CYP2J2: variants seen among roughly 807,000 people sequenced by gnomAD.
The protein encoded by CYP2J2 is cytochrome P450 2J2.
A neutral mutation model predicts 48.8 loss-of-function variants in CYP2J2; 41 were observed. That is an observed-to-expected ratio of 0.84 (90% CI 0.66 to 1.09). The LOEUF (loss-of-function observed/expected upper bound fraction) is 1.09. CYP2J2 is among the 50% of genes least tolerant of loss of function. CYP2J2 has a pLI of 0.00. For synonymous variants in CYP2J2, 221 were observed against 227.1 expected (o/e 0.97, Z 0.24); for missense variants, 644 against 617.3 (o/e 1.04, Z -0.46).
the CYP2J2 span, among the ~76,000 whole-genome samples, chr1:59,943,880 T>C: frequency 6.6e-6 from 1 of 152,152 alleles, no homozygotes; most frequent in African/African-American, 2.4e-5. Flanking sequence ...AGTATCTCAG[T>C]TGAGTGGCTA....
chr1:59,962,666 T>C, the CYP2J2 span, among the ~76,000 whole-genome samples: 12 of 152,212 alleles, frequency 7.9e-5, no homozygotes, highest in African/African-American at 2.4e-4. Flanking sequence ...AATGTTATAA[T>C]TGAATAGGGA....
chr1:59,913,184 C>G (rs913731147), intron 2 of CYP2J2: 1 of 152,140 alleles, frequency 6.6e-6, no homozygotes, highest in Non-Finnish European at 1.5e-5. Flanking sequence ...GATTTTCGTC[C>G]TAATTCTCTG....
chr1:59,939,297 G>A, the CYP2J2 span, among the ~76,000 whole-genome samples: 4 of 152,156 alleles, frequency 2.6e-5, no homozygotes, highest in Non-Finnish European at 5.9e-5. Context: ...ATTAGGGAGC[G>A]CCCCAAGCCC....
chr1:59,958,652 CTCTT>C, the CYP2J2 span, among the ~76,000 whole-genome samples: 4 of 151,716 alleles, frequency 2.6e-5, no homozygotes, highest in South Asian at 2.1e-4. Context: ...GTAACTTACT[CTCTT>C]TTTTTCCACA....
At position 59,912,786 on chromosome 1, in the gene CYP2J2, A is replaced by C. The variant is rs549246784; in HGVS notation, c.374-475T>G. The C allele has an allele frequency of 1.9e-4, 30 of 157,146 alleles. No homozygotes were observed. In the South Asian group the frequency reaches 2.4e-3, roughly 13 times the overall value. 9.7% of individuals were successfully genotyped at this position (157,146 alleles called of 1,614,324 possible). ...CACTAGGAATGCACTAATGGTTAAG[A>C]CAATGCCCATACTCTTAAAGAGGCT... On this transcript the variant is annotated intron_variant, in intron 2 of 8. Coordinates refer to ENST00000371204, the MANE Select transcript of CYP2J2 (RefSeq NM_000775.4).
intron 8 of CYP2J2, among the ~76,000 whole-genome samples, chr1:59,898,285 G>A (rs1644286766): frequency 6.6e-6 from 1 of 152,200 alleles, no homozygotes; most frequent in South Asian, 2.1e-4. Context: ...TGGACCTTAA[G>A]AGGCCTGTGT....
chr1:59,947,362 A>C, the CYP2J2 span, among the ~76,000 whole-genome samples: 1 of 152,296 alleles, frequency 6.6e-6, no homozygotes, highest in Admixed American at 6.5e-5. Flanking sequence ...AAAACCCATA[A>C]AGCATCATTA....
At chr1:59,951,357 T>C in the CYP2J2 span, among the ~76,000 whole-genome samples, 2 of 152,172 alleles carry the variant, frequency 1.3e-5, no homozygotes, top group Non-Finnish European at 2.9e-5. Flanking sequence ...ACTTTCCCTG[T>C]TTTTCTAAGC....
At chr1:59,949,770 T>A in the CYP2J2 span, among the ~76,000 whole-genome samples, 13 of 152,058 alleles carry the variant, frequency 8.5e-5, no homozygotes, top group Admixed American at 8.5e-4. Flanking sequence ...CAGATATTTA[T>A]TTTTCCCTTC....
intron 1 of CYP2J2, among the ~76,000 whole-genome samples, chr1:59,922,736 A>AATATCTTT (rs1477288302): frequency 6.6e-6 from 1 of 152,362 alleles, no homozygotes; most frequent in East Asian, 1.9e-4. Flanking sequence ...CACAGACAAA[A>AATATCTTT]ATATCTTTAA....
chr1:59,899,992 G>A (rs1219454929), intron 8 of CYP2J2, among the ~76,000 whole-genome samples: 2 of 152,210 alleles, frequency 1.3e-5, no homozygotes, highest in Non-Finnish European at 2.9e-5. Flanking sequence ...ATTGTTCAAT[G>A]TCGTGAGTTA....
chr1:59,903,218 C>G (rs559814243), intron 7 of CYP2J2, among the ~76,000 whole-genome samples: 73 of 152,226 alleles, frequency 4.8e-4, no homozygotes, highest in African/African-American at 1.6e-3. Flanking sequence ...TTCTACTTCT[C>G]GAGATTTTCC....
chr1:59,956,542 G>A, the CYP2J2 span, among the ~76,000 whole-genome samples: 6 of 152,088 alleles, frequency 3.9e-5, no homozygotes, highest in Admixed American at 2.0e-4. Context: ...AATAGACGAA[G>A]TAATTTGCAA....
chr1:59,909,454 T>C (rs1644392378), intron 5 of CYP2J2, among the ~76,000 whole-genome samples: 1 of 152,162 alleles, frequency 6.6e-6, no homozygotes, highest in East Asian at 1.9e-4. Context: ...TGGAAGCAGA[T>C]ACCAGAGAGA....
chr1:59,932,800 A>C, the CYP2J2 span, among the ~76,000 whole-genome samples: 1 of 151,470 alleles, frequency 6.6e-6, no homozygotes, highest in Non-Finnish European at 1.5e-5. Flanking sequence ...TTCCAGGTTC[A>C]AGCAATTCTT....
chr1:59,958,730 TTAA>T, the CYP2J2 span, among the ~76,000 whole-genome samples: 1 of 152,298 alleles, frequency 6.6e-6, no homozygotes, highest in East Asian at 1.9e-4. Flanking sequence ...ATCCAACACC[TTAA>T]TCACTTAGGT....
chr1:59,901,563 G>C (rs542800150), intron 7 of CYP2J2, among the ~76,000 whole-genome samples: 6 of 152,266 alleles, frequency 3.9e-5, no homozygotes, highest in South Asian at 4.2e-4. Context: ...CCAATGTCTA[G>C]TACATGGCAC....
At chr1:59,967,480 C>T in the CYP2J2 span, among the ~76,000 whole-genome samples, 7,595 of 152,326 alleles carry the variant, frequency 0.05, 214 homozygotes, top group Middle Eastern at 0.092. Context: ...GTTATCAAGG[C>T]GTGCTGTGGG....
chr1:59,953,550 A>T, the CYP2J2 span, among the ~76,000 whole-genome samples: 1 of 152,006 alleles, frequency 6.6e-6, no homozygotes, highest in South Asian at 2.1e-4. Flanking sequence ...ATAGAGGGTG[A>T]TTACACTTTT....
Sources: allele counts gnomAD v4.1 joint callset (sites outside exome capture counted in the v4.1 genomes callset), GRCh38; gene constraint gnomAD v4.1.1; transcripts MANE v1.5; gene names NCBI Gene and HGNC (gene_info 2026-07-23, HGNC 2026-07-21).